The following ESRP1 variants were observed in gnomAD, a reference collection of about 807,000 sequenced individuals.
ESRP1 encodes the protein epithelial splicing regulatory protein 1.
A neutral mutation model predicts 81.7 loss-of-function variants in ESRP1; 33 were observed. The observed-to-expected ratio is 0.40, with a 90% CI of 0.31 to 0.54. ESRP1 has a LOEUF of 0.54. Among genes scored for constraint, ESRP1 ranks in the 20% least tolerant of loss-of-function variants. ESRP1 has a pLI of 0.41. For synonymous variants in ESRP1, 320 were observed against 303.3 expected (o/e 1.06, Z -0.57); for missense variants, 672 against 833.1 (o/e 0.81, Z 2.38).
chr8:94,703,153 TTTGTTGTTG>T (rs143247522), intron 15 of ESRP1, among the ~76,000 whole-genome samples: 1 of 148,478 alleles, frequency 6.7e-6, no homozygotes, highest in African/African-American at 2.5e-5. Flanking sequence ...GCAGTTTCTT[TTTGTTGTTG>T]TTGTTGTTGT....
At chr8:94,693,248 GGCCTCTGGATAACCTGGAAAAAAAAAATT>G (rs1809475787) in intron 14 of ESRP1, among the ~76,000 whole-genome samples, 1 of 152,090 alleles carries the variant, frequency 6.6e-6, no homozygotes, top group South Asian at 2.1e-4. Context: ...CATGGCCAGA[GGCCTCTGGATAACCTGGAAAAAAAAAATT>G]GCCTAACTCC....
intron 14 of ESRP1, 111 bp from the exon 15 acceptor site, chr8:94,696,741 C>T: frequency 2.6e-6 from 2 of 763,292 alleles, no homozygotes; most frequent in East Asian, 2.7e-5. Flanking sequence ...TGTTTGTTTC[C>T]TCCTATCTAA....
At chr8:94,691,959 C>CATT (rs1049136503) in intron 13 of ESRP1, among the ~76,000 whole-genome samples, 4 of 152,030 alleles carry the variant, frequency 2.6e-5, no homozygotes, top group Non-Finnish European at 5.9e-5. Flanking sequence ...AAACTAATTG[C>CATT]ATAATATGGT....
At chr8:94,679,680 T>C (rs1808795935) in intron 13 of ESRP1, among the ~76,000 whole-genome samples, 1 of 152,136 alleles carries the variant, frequency 6.6e-6, no homozygotes, top group Non-Finnish European at 1.5e-5. Context: ...CCAGTAGTTT[T>C]AAAATTTGTA....
chr8:94,687,651 T>G (rs1431918374), intron 13 of ESRP1, among the ~76,000 whole-genome samples: 1 of 152,240 alleles, frequency 6.6e-6, no homozygotes, highest in Non-Finnish European at 1.5e-5. Context: ...CATTATGATT[T>G]TGATTTGCAT....
intron 4 of ESRP1, among the ~76,000 whole-genome samples, chr8:94,658,447 A>G (rs1423576953): frequency 6.6e-6 from 1 of 152,166 alleles, no homozygotes; most frequent in Non-Finnish European, 1.5e-5. Context: ...ATAGCATAAC[A>G]TTTTAGGAAT....
intron 14 of ESRP1, among the ~76,000 whole-genome samples, chr8:94,695,028 T>A (rs1809541713): frequency 6.6e-6 from 1 of 152,218 alleles, no homozygotes; most frequent in Non-Finnish European, 1.5e-5. Flanking sequence ...TTTGTATCAT[T>A]CTTACATAAA....
intron 12 of ESRP1, among the ~76,000 whole-genome samples, chr8:94,676,925 G>A (rs945721281): frequency 5.3e-5 from 8 of 151,918 alleles, no homozygotes; most frequent in African/African-American, 1.9e-4. Flanking sequence ...GGCCAAGGCG[G>A]GCAGATCACC....
intron 15 of ESRP1, among the ~76,000 whole-genome samples, chr8:94,703,041 T>A (rs537939657): frequency 2.8e-4 from 42 of 152,058 alleles, no homozygotes; most frequent in South Asian, 2.3e-3. Flanking sequence ...TCTGCAGTTG[T>A]AATTCTCAAC....
chr8:94,680,839 C>A (rs889872341), intron 13 of ESRP1, among the ~76,000 whole-genome samples: 1 of 152,150 alleles, frequency 6.6e-6, no homozygotes, highest in Non-Finnish European at 1.5e-5. Context: ...AGTGGGAAAT[C>A]TGAAACAGCA....
At position 94,655,065 on chromosome 8, in the gene ESRP1, T is replaced by TTTG. The variant is rs545869490; in HGVS notation, c.491-7206_491-7205insTGT. Among the ~76,000 whole-genome samples the TTTG allele has an allele frequency of 2.3e-4, 34 of 147,634 alleles. No homozygotes were observed. The East Asian group carries it at 6.0e-3, about 26-fold the overall frequency. On this transcript the variant is annotated intron_variant, in intron 4 of 15. Transcript: ENST00000433389. Reference sequence around the variant, plus strand: ...GTGTCTGTGAGGTTTTTTGGGTTTTTTGTGTGTGTGTGTGTGTGTGTGTTT... The same window carrying TTTG: ...GTGTCTGTGAGGTTTTTTGGGTTTTTTTGTGTGTGTGTGTGTGTGTGTGTGTTT...
chr8:94,692,898 C>A, intron 14 of ESRP1, 71 bp downstream of exon 14: 1 of 1,491,198 alleles, frequency 6.7e-7, no homozygotes, highest in Non-Finnish European at 9.1e-7. Flanking sequence ...AGAATGCAGC[C>A]AGGAAAGAAA....
At chr8:94,642,934 C>CT (rs1474462564) in intron 2 of ESRP1, among the ~76,000 whole-genome samples, 1 of 152,210 alleles carries the variant, frequency 6.6e-6, no homozygotes, top group Non-Finnish European at 1.5e-5. Context: ...AAGCTGGCAT[C>CT]TTTCTTAAGC....
At chr8:94,694,949 T>G (rs531737827) in intron 14 of ESRP1, among the ~76,000 whole-genome samples, 6 of 152,356 alleles carry the variant, frequency 3.9e-5, no homozygotes, top group African/African-American at 1.4e-4. Flanking sequence ...TTCTGATATC[T>G]TCTTCAGTAA....
At chr8:94,656,394 A>AT (rs1057242807) in intron 4 of ESRP1, among the ~76,000 whole-genome samples, 24 of 149,504 alleles carry the variant, frequency 1.6e-4, no homozygotes, top group Admixed American at 9.3e-4. Flanking sequence ...AATTTTTTGT[A>AT]TTTTTTTAGT....
intron 13 of ESRP1, among the ~76,000 whole-genome samples, chr8:94,678,741 G>A (rs181097255): frequency 6.6e-6 from 1 of 152,338 alleles, no homozygotes; most frequent in Non-Finnish European, 1.5e-5. Flanking sequence ...AGTAGTATGA[G>A]TTCATGTTAT....
At chr8:94,667,916 C>G in intron 9 of ESRP1, 33 bp from the exon 10 acceptor site, 2 of 1,516,160 alleles carry the variant, frequency 1.3e-6, no homozygotes, top group South Asian at 2.6e-5. Context: ...TTAACTATTT[C>G]TCTCCCTGCT....
chr8:94,663,090 A>C (rs1163451723), intron 6 of ESRP1, among the ~76,000 whole-genome samples: 2 of 152,158 alleles, frequency 1.3e-5, no homozygotes, highest in African/African-American at 4.8e-5. Context: ...CCTGACCTTA[A>C]GTATATTATA....
At chr8:94,650,776 G>T (rs1256089008) in intron 4 of ESRP1, among the ~76,000 whole-genome samples, 1 of 148,074 alleles carries the variant, frequency 6.8e-6, no homozygotes, top group African/African-American at 2.4e-5. Flanking sequence ...GCAGGGGCGC[G>T]ATCTTGGCTA....
Sources: allele counts gnomAD v4.1 joint callset (sites outside exome capture counted in the v4.1 genomes callset), GRCh38; gene constraint gnomAD v4.1.1; transcripts MANE v1.5; gene names NCBI Gene and HGNC (gene_info 2026-07-23, HGNC 2026-07-21).